The following IL1RAPL2 variants were observed in gnomAD, a reference collection of about 807,000 sequenced individuals.
IL1RAPL2 encodes X-linked interleukin-1 receptor accessory protein-like 2.
Under a neutral mutation model 44.1 loss-of-function variants are expected in IL1RAPL2, and 3 were observed. The ratio of observed to expected loss-of-function variants is 0.07; its 90% CI spans 0.03 to 0.18. The LOEUF is 0.18. Ranked by LOEUF, IL1RAPL2 falls within the 10% of genes least tolerant of loss-of-function variation. IL1RAPL2 has a pLI of 1.00. For missense variants in IL1RAPL2, 391 were observed against 496.4 expected, an observed-to-expected ratio of 0.79 and a Z score of 2.02; for synonymous variants, 181 against 178.8, an observed-to-expected ratio of 1.01 and a Z score of -0.10.
chrX:104,943,739 T>A (rs763089654), intron 2 of IL1RAPL2, among the ~76,000 whole-genome samples: 1 of 111,675 alleles, frequency 9.0e-6, no homozygotes, highest in East Asian at 2.8e-4. Context: ...CTCTTTTGTT[T>A]CTGTAAAACC....
chrX:105,324,815 G>A (rs1286128652), intron 5 of IL1RAPL2, among the ~76,000 whole-genome samples: 1 of 111,789 alleles, frequency 8.9e-6, no homozygotes, highest in Non-Finnish European at 1.9e-5. Flanking sequence ...TACGTAAAAT[G>A]TCTGTGAAGG....
intron 2 of IL1RAPL2, among the ~76,000 whole-genome samples, chrX:104,971,707 G>A (rs962663358): frequency 1.8e-5 from 2 of 110,983 alleles, no homozygotes; most frequent in African/African-American, 6.6e-5. Flanking sequence ...CAGTTAGGTC[G>A]TTTTAGGGTT....
intron 6 of IL1RAPL2, among the ~76,000 whole-genome samples, chrX:105,514,663 C>A (rs1337549341): frequency 9.0e-6 from 1 of 111,105 alleles, no homozygotes; most frequent in Non-Finnish European, 1.9e-5. Context: ...GCCCAAGAAG[C>A]AAAAGCGGAC....
At chrX:105,021,295 G>C (rs770520023) in intron 2 of IL1RAPL2, among the ~76,000 whole-genome samples, 7 of 111,385 alleles carry the variant, frequency 6.3e-5, no homozygotes, top group African/African-American at 2.0e-4. Flanking sequence ...CTGAAGGGCT[G>C]TGTGGGTCAG....
rs2105850 is a variant in IL1RAPL2, at chrX:104,859,016, C to T, written c.82+200021C>T. Reference sequence around the variant, plus strand: ...GGTACTAAATTTATACAGATAATGGCTTGATTGACCTACCCTATTCAGCTC... The same window carrying T: ...GGTACTAAATTTATACAGATAATGGTTTGATTGACCTACCCTATTCAGCTC... On this transcript the variant is annotated intron_variant, in intron 2 of 10. Transcript: ENST00000372582. Among the ~76,000 whole-genome samples, 108 of 111,801 alleles carry T rather than the reference C, an allele frequency of 9.7e-4. 1 individual carries two copies. The highest frequency in any genetic ancestry group is 8.7e-3 in the Admixed American group (92 of 10,519).
chrX:104,637,159 T>A (rs1177138669), intron 1 of IL1RAPL2, among the ~76,000 whole-genome samples: 1 of 110,923 alleles, frequency 9.0e-6, no homozygotes, highest in Non-Finnish European at 1.9e-5. Flanking sequence ...ACATTGCTGA[T>A]TTTTGTACAC....
intron 1 of IL1RAPL2, among the ~76,000 whole-genome samples, chrX:104,654,521 GA>G (rs1465414685): frequency 9.0e-6 from 1 of 111,114 alleles, no homozygotes; most frequent in Non-Finnish European, 1.9e-5. Flanking sequence ...GCAAGGAGGA[GA>G]GCTTTGTGAA....
intron 2 of IL1RAPL2, among the ~76,000 whole-genome samples, chrX:105,130,137 G>A (rs1383596915): frequency 9.0e-6 from 1 of 111,265 alleles, no homozygotes; most frequent in Non-Finnish European, 1.9e-5. Flanking sequence ...AACAAGTTAT[G>A]TAACATGATG....
chrX:104,792,901 C>T (rs766200411), intron 2 of IL1RAPL2, among the ~76,000 whole-genome samples: 12 of 111,914 alleles, frequency 1.1e-4, no homozygotes, highest in Non-Finnish European at 2.1e-4. Context: ...GAAATAAATA[C>T]CCAAAAGAAG....
chrX:104,943,816 A>G lies in IL1RAPL2; in HGVS notation c.83-251659A>G, dbSNP rs1294707932. ...ATTTTAAACTGTCTTTCCCCATTAT[A>G]ATGCAAGTTTCATGAGGGCAGAGAT... is the stretch of plus-strand genomic sequence containing the variant. On this transcript the variant is annotated intron_variant, in intron 2 of 10. Transcript: ENST00000372582. Among the ~76,000 whole-genome samples, 3 of 111,870 alleles carry G rather than the reference A, an allele frequency of 2.7e-5. No homozygotes were observed. In the East Asian group the frequency reaches 8.4e-4, roughly 31 times the overall value.
At chrX:105,538,032 CTT>C (rs1191360462) in intron 6 of IL1RAPL2, among the ~76,000 whole-genome samples, 1 of 80,722 alleles carries the variant, frequency 1.2e-5, no homozygotes. Flanking sequence ...ATTTTCCCTT[CTT>C]TTTTTTTTTT....
At chrX:104,754,432 G>A (rs756592499) in intron 2 of IL1RAPL2, among the ~76,000 whole-genome samples, 4 of 111,720 alleles carry the variant, frequency 3.6e-5, no homozygotes, top group African/African-American at 1.3e-4. Flanking sequence ...CCCATCTCAT[G>A]AGAAGTTCAT....
At chrX:105,285,343 G>T (rs1295948147) in intron 5 of IL1RAPL2, among the ~76,000 whole-genome samples, 2 of 111,644 alleles carry the variant, frequency 1.8e-5, no homozygotes, top group East Asian at 5.6e-4. Context: ...TTTTTTTGGA[G>T]CCCCTGCAAG....
chrX:104,990,140 C>T (rs950938965), intron 2 of IL1RAPL2, among the ~76,000 whole-genome samples: 2 of 112,084 alleles, frequency 1.8e-5, no homozygotes, highest in Non-Finnish European at 3.8e-5. Flanking sequence ...TCTTACATCA[C>T]CAAAATCTAT....
intron 2 of IL1RAPL2, among the ~76,000 whole-genome samples, chrX:105,118,824 A>G (rs1310671057): frequency 1.8e-5 from 2 of 112,334 alleles, no homozygotes; most frequent in East Asian, 2.8e-4. Context: ...GCCATAGCTC[A>G]AAAAACATAT....
chrX:105,158,112 C>T (rs1418783184), intron 2 of IL1RAPL2, among the ~76,000 whole-genome samples: 1 of 111,587 alleles, frequency 9.0e-6, no homozygotes, highest in Non-Finnish European at 1.9e-5. Flanking sequence ...GAGGCTGAGG[C>T]GGGCGGATCA....
At position 105,124,226 on chromosome X, in the gene IL1RAPL2, A is replaced by G. The variant is rs555373370; in HGVS notation, c.83-71249A>G. On this transcript the variant is annotated intron_variant, in intron 2 of 10. Coordinates refer to ENST00000372582, the MANE Select transcript of IL1RAPL2 (RefSeq NM_017416.2). The stretch of plus-strand genomic sequence containing the variant: ...GATGTCCCATCATATTACCTTTAAA[A>G]CAGTAATTTTGTTTTTTTGAACTTT... Among the ~76,000 whole-genome samples the G allele has an allele frequency of 7.3e-4, 81 of 110,678 alleles. No individual in the cohort carries two copies. In the Admixed American group the frequency reaches 7.8e-3, roughly 11 times the overall value.
At chrX:105,446,697 A>C (rs1237137886) in intron 5 of IL1RAPL2, among the ~76,000 whole-genome samples, 1 of 109,967 alleles carries the variant, frequency 9.1e-6, no homozygotes, top group Non-Finnish European at 1.9e-5. Context: ...AGAAATCCAC[A>C]CTTTAACTTT....
chrX:105,682,136 A>G (rs986013149), intron 6 of IL1RAPL2, among the ~76,000 whole-genome samples: 5 of 112,166 alleles, frequency 4.5e-5, no homozygotes, highest in Non-Finnish European at 9.4e-5. Flanking sequence ...GTTTTAGACA[A>G]AATAATTATA....
Sources: allele counts gnomAD v4.1 joint callset (sites outside exome capture counted in the v4.1 genomes callset), GRCh38; gene constraint gnomAD v4.1.1; transcripts MANE v1.5; gene names NCBI Gene and HGNC (gene_info 2026-07-23, HGNC 2026-07-21).